The following MMP15 variants were observed in gnomAD, a reference collection of about 807,000 sequenced individuals.
MMP15 encodes matrix metallopeptidase 15, also known as matrix metalloproteinase-15.
A neutral mutation model predicts 65.0 loss-of-function variants in MMP15; 36 were observed. That is an observed-to-expected ratio of 0.55 (90% CI 0.42 to 0.73). MMP15 has a LOEUF of 0.73. Among genes scored for constraint, MMP15 ranks in the 30% least tolerant of loss-of-function variants. MMP15 has a pLI of 0.00. For synonymous variants in MMP15, 428 were observed against 410.2 expected, an observed-to-expected ratio of 1.04 and a Z score of -0.52; for missense variants, 870 against 987.8, an observed-to-expected ratio of 0.88 and a Z score of 1.60.
chr16:58,036,371 G>A (rs1332753690), intron 1 of MMP15, among the ~76,000 whole-genome samples: 2 of 152,182 alleles, frequency 1.3e-5, no homozygotes, highest in Non-Finnish European at 2.9e-5. Flanking sequence ...TGTTTTGTAG[G>A]TGTGTTGGGT....
At chr16:58,033,112 C>T (rs1481636668) in intron 1 of MMP15, among the ~76,000 whole-genome samples, 1 of 152,192 alleles carries the variant, frequency 6.6e-6, no homozygotes, top group Non-Finnish European at 1.5e-5. Context: ...GATCTAGTGG[C>T]TTCTTACACC....
At position 58,046,884 on chromosome 16, in the gene MMP15, A is replaced by T. The variant is rs1476406757; in HGVS notation, c.*1438A>T. 1 of 152,506 alleles carries T rather than the reference A, an allele frequency of 6.6e-6. No individual in the cohort carries two copies. The highest frequency in any genetic ancestry group is 1.5e-5 in the Non-Finnish European group (1 of 68,018). 9.4% of individuals were successfully genotyped at this position (152,506 alleles called of 1,614,324 possible). ...TTCTGTAAATAATGTGCACTGAATA[A>T]ATTGTACAGCCGGCAAATGTGTCCT... On this transcript the variant is annotated 3_prime_UTR_variant, in exon 10 of 10. Coordinates refer to ENST00000219271, the MANE Select transcript of MMP15 (RefSeq NM_002428.4).
chr16:58,030,308 A>C (rs2142323210), intron 1 of MMP15, among the ~76,000 whole-genome samples: 1 of 152,306 alleles, frequency 6.6e-6, no homozygotes, highest in South Asian at 2.1e-4. Flanking sequence ...CACAGTAGGC[A>C]CCATCTGGCT....
rs1425579543 is a variant in MMP15, at chr16:58,041,607, C to T, written c.911-10C>T. Reference sequence around the variant, plus strand: ...ACAGACCTCACTTCTGAACCCCTGCCTCTCTGCAGGTACCCCAGACGGTCA... The same window carrying T: ...ACAGACCTCACTTCTGAACCCCTGCTTCTCTGCAGGTACCCCAGACGGTCA... On this transcript the variant is annotated splice_polypyrimidine_tract_variant and intron_variant, in intron 5 of 9. Transcript: ENST00000219271. 6.4e-7 allele frequency: 1 copy of T among 1,570,290 alleles called. No homozygotes were observed. Among genetic ancestry groups the T allele is most frequent in the Non-Finnish European group, 8.6e-7 (1 of 1,158,804 alleles).
At chr16:58,030,410 C>T (rs1460764073) in intron 1 of MMP15, among the ~76,000 whole-genome samples, 1 of 152,194 alleles carries the variant, frequency 6.6e-6, no homozygotes, top group East Asian at 1.9e-4. Context: ...GGAGCTGGGC[C>T]TGGATCCCAG....
intron 1 of MMP15, 58 bp downstream of exon 1, chr16:58,026,570 A>G: frequency 7.8e-7 from 1 of 1,280,826 alleles, no homozygotes; most frequent in Non-Finnish European, 9.9e-7. Context: ...GAGAGGCGCC[A>G]CGTCCGCAGG....
chr16:58,038,656 C>T (rs1480113403), intron 3 of MMP15, among the ~76,000 whole-genome samples: 1 of 152,230 alleles, frequency 6.6e-6, no homozygotes, highest in East Asian at 1.9e-4. Flanking sequence ...ACTGCCCCAG[C>T]ACAGACTGCA....
chr16:58,042,054 C>T (rs1274665800), intron 6 of MMP15, among the ~76,000 whole-genome samples, 177 bp from the exon 7 acceptor site: 1 of 152,246 alleles, frequency 6.6e-6, no homozygotes, highest in Non-Finnish European at 1.5e-5. Context: ...GTGCCAGCTC[C>T]CCAGCTCAGG....
chr16:58,038,690 G>T (rs948487835), intron 3 of MMP15, among the ~76,000 whole-genome samples: 1 of 152,198 alleles, frequency 6.6e-6, no homozygotes, highest in Non-Finnish European at 1.5e-5. Flanking sequence ...GATGGCTGGG[G>T]TGCAGGAATC....
At chr16:58,037,256 T>C (rs1026743938) in intron 1 of MMP15, among the ~76,000 whole-genome samples, 1 of 152,192 alleles carries the variant, frequency 6.6e-6, no homozygotes, top group African/African-American at 2.4e-5. Flanking sequence ...AAGCAGAGGA[T>C]TGACCAGACC....
Position 58,026,532 on chromosome 16 carries a change from CT to C in MMP15, c.162+23del. The C allele has an allele frequency of 2.3e-6, 3 of 1,311,026 alleles. No individual in the cohort carries two copies. The allele number at this position is 1,311,026 out of a possible 1,614,324, so 81.2% of individuals were successfully genotyped here. On this transcript the variant is annotated intron_variant, in intron 1 of 9. Coordinates refer to ENST00000219271, the MANE Select transcript of MMP15 (RefSeq NM_002428.4). ...GCCGAGGTAAGACCCCCGCCCTGCC[CT>C]TTGGCTGCGGGCTGGGGGCTTGGAG...
Position 58,026,306 on chromosome 16 carries a change from A to AG in MMP15, c.-43dup, listed in dbSNP as rs1405894737. On this transcript the variant is annotated 5_prime_UTR_variant, in exon 1 of 10. Coordinates refer to ENST00000219271, the MANE Select transcript of MMP15 (RefSeq NM_002428.4). Reference sequence around the variant, plus strand: ...GTCGCAAGTTTCCAAGGCGCGTGCGAGGATCCGGCGTGCAGTGTTCCGAGC... The same window carrying AG: ...GTCGCAAGTTTCCAAGGCGCGTGCGAGGGATCCGGCGTGCAGTGTTCCGAGC... 6.4e-6 allele frequency: 8 copies of AG among 1,251,358 alleles called. No homozygotes were observed. In the East Asian group the frequency reaches 2.5e-4, roughly 40 times the overall value. 77.5% of individuals were successfully genotyped at this position (1,251,358 alleles called of 1,614,324 possible). A position where few individuals can be genotyped will look rare whatever the true frequency, so the allele number is the denominator to read the frequency against.
At chr16:58,035,015 C>G (rs1236509865) in intron 1 of MMP15, among the ~76,000 whole-genome samples, 5 of 152,116 alleles carry the variant, frequency 3.3e-5, no homozygotes, top group Non-Finnish European at 5.9e-5. Context: ...ATATTTTTAC[C>G]TTATGCAAAT....
At position 58,045,228 on chromosome 16, in the gene MMP15, G is replaced by T; in HGVS notation, c.1792G>T (p.Asp598Tyr). 2 of 1,601,770 alleles carry T rather than the reference G, an allele frequency of 1.2e-6. No individual in the cohort carries two copies. Among genetic ancestry groups the T allele is most frequent in the South Asian group, 1.1e-5 (1 of 88,798 alleles). ...DSAEGDVGDG[D>Y]GDFGAGVNKD... ...CGCAGAGGGCGACGTGGGGGATGGG[G>T]ATGGGGACTTTGGGGCCGGGGTCAA... The change falls in exon 10 of 10, where the codon GAT (aspartate) becomes TAT (tyrosine). Residue 598 changes from aspartate (D) to tyrosine (Y), a missense_variant. Transcript: ENST00000219271.
chr16:58,035,560 C>G (rs1411172376), intron 1 of MMP15, among the ~76,000 whole-genome samples: 2 of 152,248 alleles, frequency 1.3e-5, no homozygotes, highest in East Asian at 1.9e-4. Flanking sequence ...CTAGCATGCA[C>G]TTTACGATTC....
chr16:58,038,754 G>A (rs1261580214), intron 3 of MMP15, among the ~76,000 whole-genome samples: 2 of 152,186 alleles, frequency 1.3e-5, no homozygotes, highest in Admixed American at 6.5e-5. Context: ...CCTTGGATCA[G>A]GGGCCCTCAT....
chr16:58,044,081 G>A (rs924526775), intron 9 of MMP15, among the ~76,000 whole-genome samples: 3 of 152,164 alleles, frequency 2.0e-5, no homozygotes, highest in African/African-American at 7.2e-5. Flanking sequence ...GGAAAGCCCT[G>A]TCTCTGTCAT....
chr16:58,036,113 C>CA (rs1959325044), intron 1 of MMP15, among the ~76,000 whole-genome samples: 1 of 152,206 alleles, frequency 6.6e-6, no homozygotes, highest in Non-Finnish European at 1.5e-5. Context: ...CCAGAGCACT[C>CA]AGAGTGCCAG....
chr16:58,043,664 A>G lies in MMP15; in HGVS notation c.1570+37A>G, dbSNP rs1178523192. 8 of 1,476,952 alleles carry G rather than the reference A, an allele frequency of 5.4e-6. No homozygotes were observed. The South Asian group carries it at 8.3e-5, about 15-fold the overall frequency. The allele number at this position is 1,476,952 out of a possible 1,614,324, so 91.5% of individuals were successfully genotyped here. A position where few individuals can be genotyped will look rare whatever the true frequency, so the allele number is the denominator to read the frequency against. ...GCCCCTCCCAGTTTGCCCAGCACCTAATATCCCCTGCTACACACACCACAG... is the reference window on the plus strand; with the variant it reads ...GCCCCTCCCAGTTTGCCCAGCACCTGATATCCCCTGCTACACACACCACAG... On this transcript the variant is annotated intron_variant, in intron 9 of 9. Transcript: ENST00000219271.
Sources: allele counts gnomAD v4.1 joint callset (sites outside exome capture counted in the v4.1 genomes callset), GRCh38; gene constraint gnomAD v4.1.1; transcripts MANE v1.5; gene names NCBI Gene and HGNC (gene_info 2026-07-23, HGNC 2026-07-21).